The following LYST variants were observed in gnomAD, a reference collection of about 807,000 sequenced individuals.
The protein encoded by LYST is lysosomal-trafficking regulator.
A neutral mutation model predicts 413.6 loss-of-function variants in LYST; 192 were observed. The ratio of observed to expected loss-of-function variants is 0.46; its 90% CI spans 0.41 to 0.52. LYST has a LOEUF of 0.52. LYST is among the 20% of genes least tolerant of loss of function. The pLI, the probability that LYST is intolerant of heterozygous loss-of-function variation, is 0.00. For missense variants in LYST, 3,815 were observed against 4,499.9 expected (o/e 0.85, Z 4.35); for synonymous variants, 1,525 against 1,567.3 (o/e 0.97, Z 0.64).
At chr1:235,876,205 G>A (rs1681129976) in intron 1 of LYST, among the ~76,000 whole-genome samples, 1 of 152,086 alleles carries the variant, frequency 6.6e-6, no homozygotes, top group Admixed American at 6.5e-5. Flanking sequence ...CTGGGTGACA[G>A]AGTGGGACTC....
At chr1:235,766,653 T>C (rs2103397001) in intron 20 of LYST, among the ~76,000 whole-genome samples, 1 of 152,288 alleles carries the variant, frequency 6.6e-6, no homozygotes, top group Non-Finnish European at 1.5e-5. Flanking sequence ...TTCACTTTCT[T>C]TGTCTATGTG....
At chr1:235,818,836 G>A (rs1013102574) in intron 3 of LYST, among the ~76,000 whole-genome samples, 27 of 152,150 alleles carry the variant, frequency 1.8e-4, no homozygotes, top group Middle Eastern at 3.2e-3. Context: ...CCACTGCTGC[G>A]TAAACAGGCA....
chr1:235,869,643 A>G (rs969450551), upstream of LYST, among the ~76,000 whole-genome samples: 2 of 152,260 alleles, frequency 1.3e-5, no homozygotes, highest in African/African-American at 4.8e-5. Flanking sequence ...ATAATTTCAC[A>G]TTTAATTATT....
chr1:235,851,840 G>A (rs1307657730), intron 1 of LYST, among the ~76,000 whole-genome samples: 1 of 152,014 alleles, frequency 6.6e-6, no homozygotes, highest in Non-Finnish European at 1.5e-5. Flanking sequence ...GACACTTAAA[G>A]TTCTAAATTA....
chr1:235,730,740 G>C, intron 36 of LYST, 107 bp downstream of exon 36: 1 of 872,478 alleles, frequency 1.1e-6, no homozygotes, highest in Non-Finnish European at 1.9e-6. Flanking sequence ...TTCCTGTTTA[G>C]GATTTTTCTG....
At chr1:235,756,841 G>A (rs1667097075) in intron 24 of LYST, among the ~76,000 whole-genome samples, 1 of 152,148 alleles carries the variant, frequency 6.6e-6, no homozygotes, top group African/African-American at 2.4e-5. Flanking sequence ...GATCATCAGG[G>A]AAGGTCTTTT....
intron 3 of LYST, among the ~76,000 whole-genome samples, chr1:235,826,584 GGACT>G (rs1159879783): frequency 6.6e-6 from 1 of 152,052 alleles, no homozygotes; most frequent in African/African-American, 2.4e-5. Flanking sequence ...TGAAGGGGAG[GGACT>G]GACTGAAAAA....
At position 235,827,338 on chromosome 1, in the gene LYST, C is replaced by T. The variant is rs935183687; in HGVS notation, c.192+2888G>A. 7.3e-6 allele frequency: 5 copies of T among 685,118 alleles called. No individual in the cohort carries two copies. In the African/African-American group the frequency reaches 7.8e-5, roughly 11 times the overall value. The allele number at this position is 685,118 out of a possible 1,614,324, so 42.4% of individuals were successfully genotyped here. ...GAGCCATGATTGTGCCGCTGCAGTCCAGCCTGGGTGAAAAAGTGAGACTCT... is the reference window on the plus strand; with the variant it reads ...GAGCCATGATTGTGCCGCTGCAGTCTAGCCTGGGTGAAAAAGTGAGACTCT... On this transcript the variant is annotated intron_variant, in intron 3 of 52. Coordinates refer to ENST00000389793, the MANE Select transcript of LYST (RefSeq NM_000081.4).
chr1:235,745,350 G>A (rs558151314), intron 29 of LYST, among the ~76,000 whole-genome samples: 6 of 152,158 alleles, frequency 3.9e-5, no homozygotes, highest in Admixed American at 2.6e-4. Context: ...ATATGGAAAT[G>A]CAAATTAAAA....
In LYST at chr1:235,717,350, G is replaced by A. The variant is rs189530187; in HGVS notation, c.9561-572C>T. Among the ~76,000 whole-genome samples, 12 of 152,258 alleles carry A rather than the reference G, an allele frequency of 7.9e-5. No homozygotes were observed. In the East Asian group the frequency reaches 9.6e-4, roughly 12 times the overall value. On this transcript the variant is annotated intron_variant, in intron 40 of 52. Transcript: ENST00000389793. Reference sequence around the variant, plus strand: ...AGTAGATGGGGAGTAATACCATTGCGCACAGTGTAGAGTATGTATGCATGC... The same window carrying A: ...AGTAGATGGGGAGTAATACCATTGCACACAGTGTAGAGTATGTATGCATGC...
intron 21 of LYST, among the ~76,000 whole-genome samples, chr1:235,764,793 G>A (rs35372194): frequency 5.5e-4 from 84 of 152,042 alleles, no homozygotes; most frequent in Non-Finnish European, 1.1e-3. Flanking sequence ...GTGAGCCACC[G>A]TGCCTGGCCC....
chr1:235,714,897 C>T (rs936049150), intron 42 of LYST, among the ~76,000 whole-genome samples: 1 of 152,128 alleles, frequency 6.6e-6, no homozygotes, highest in Non-Finnish European at 1.5e-5. Context: ...AAAAAGTGAA[C>T]TGCATAAACT....
chr1:235,757,181 G>T, intron 24 of LYST, 100 bp downstream of exon 24: 1 of 720,064 alleles, frequency 1.4e-6, no homozygotes, highest in Non-Finnish European at 2.3e-6. Context: ...AAATATAAAA[G>T]AGAGATTTAG....
At chr1:235,769,328 G>A (rs1668437950) in intron 20 of LYST, among the ~76,000 whole-genome samples, 1 of 151,998 alleles carries the variant, frequency 6.6e-6, no homozygotes, top group African/African-American at 2.4e-5. Flanking sequence ...CAGGGAGGCT[G>A]AGTACCATAA....
rs909372359 is a variant in LYST, at chr1:235,791,767, T to C, written c.4475A>G (p.Glu1492Gly). 13 of 1,613,596 alleles carry C rather than the reference T, an allele frequency of 8.1e-6. No homozygotes were observed. Among genetic ancestry groups the C allele is most frequent in the Non-Finnish European group, 1.1e-5 (13 of 1,179,476 alleles). Residue 1492 changes from glutamate (E) to glycine (G), a missense_variant, in exon 12 of 53, where the codon GAA (glutamate) becomes GGA (glycine). Physicochemically the swap from Glu to Gly is moderately conservative, Grantham distance 98. Coordinates refer to ENST00000389793, the MANE Select transcript of LYST (RefSeq NM_000081.4). ...TCTTTTCTTTATCTTCTTTCCTTTTTCTGTAGTACTCTCAGCTTCATGGAT... is the reference window on the plus strand; with the variant it reads ...TCTTTTCTTTATCTTCTTTCCTTTTCCTGTAGTACTCTCAGCTTCATGGAT... ...ECIHEAESTT[E>G]KGKKIKKRNK... is the part of the protein sequence containing the mutation.
At chr1:235,862,634 A>AAAAT (rs1680012018) in intron 1 of LYST, among the ~76,000 whole-genome samples, 2 of 152,088 alleles carry the variant, frequency 1.3e-5, no homozygotes. Flanking sequence ...CATGTCTACT[A>AAAAT]AAATTACAAA....
intron 3 of LYST, among the ~76,000 whole-genome samples, chr1:235,818,201 A>G (rs1674383869): frequency 6.6e-6 from 1 of 152,174 alleles, no homozygotes; most frequent in South Asian, 2.1e-4. Context: ...AAACATACAT[A>G]CCAAGAGGGA....
chr1:235,675,332 C>A (rs550616013), intron 50 of LYST, among the ~76,000 whole-genome samples: 11 of 152,274 alleles, frequency 7.2e-5, no homozygotes, highest in African/African-American at 2.4e-4. Flanking sequence ...AGTTAGAAAA[C>A]TTTAAGTCTT....
intron 47 of LYST, 109 bp from the exon 48 acceptor site, chr1:235,687,156 A>AT (rs961256496): frequency 3.7e-5 from 29 of 792,242 alleles, no homozygotes; most frequent in East Asian, 2.8e-4. Flanking sequence ...TCTGACAACT[A>AT]TTTTTTTTAA....
Sources: allele counts gnomAD v4.1 joint callset (sites outside exome capture counted in the v4.1 genomes callset), GRCh38; gene constraint gnomAD v4.1.1; transcripts MANE v1.5; gene names NCBI Gene and HGNC (gene_info 2026-07-23, HGNC 2026-07-21).